Variants in MGAM observed in about 807,000 individuals in gnomAD.
MGAM encodes the protein maltase-glucoamylase, also known as alpha-1,4-glucosidase.
In MGAM, 253 loss-of-function variants were observed where a neutral mutation model predicts 358.8. The ratio of observed to expected loss-of-function variants is 0.71; its 90% confidence interval spans 0.64 to 0.78. The LOEUF (loss-of-function observed/expected upper bound fraction) is 0.78. Ranked by LOEUF, MGAM falls within the 30% of genes least tolerant of loss-of-function variation. The pLI, the probability that MGAM is intolerant of heterozygous loss-of-function variation, is 0.00. For synonymous variants in MGAM, 1,105 were observed against 1,227.1 expected (o/e 0.90, Z 2.08); for missense variants, 3,080 against 3,432.6 (o/e 0.90, Z 2.57).
rs770423213 is a variant in MGAM at position 142,096,359 on chromosome 7, A to T, written c.7636A>T (p.Ile2546Leu). ...EFVSDQVTWD[I>L]DSQFLLGPAF... ...TGTGTCAGACCAGGTGACATGGGAC[A>T]TAGACAGTCAGTTCCTGCTGGGCCC... Residue 2546 changes from isoleucine (I) to leucine (L), a missense_variant, in exon 65 of 71, where the codon ATA becomes TTA. By Grantham distance (5) the Ile-to-Leu change is conservative. This residue lies in a region of MGAM where 932 missense variants were observed against 1,198.2 expected (regional missense o/e 0.78). Transcript: ENST00000475668. The T allele has an allele frequency of 1.4e-5, 23 of 1,613,712 alleles. No homozygotes were observed. Among genetic ancestry groups the T allele is most frequent in the Non-Finnish European group, 1.9e-5 (22 of 1,179,696 alleles).
chr7:142,084,473 C>G (rs1443405521), intron 53 of MGAM, 46 bp from the exon 54 acceptor site: 2 of 1,528,226 alleles, frequency 1.3e-6, no homozygotes, highest in South Asian at 1.1e-5. Context: ...AAACTTCAAT[C>G]TGGTGTCTCT....
chr7:142,010,929 C>T (rs1805545256), intron 3 of MGAM, among the ~76,000 whole-genome samples: 1 of 152,030 alleles, frequency 6.6e-6, no homozygotes, highest in South Asian at 2.1e-4. Flanking sequence ...TGAAAGATCC[C>T]ATTGATGGCA....
intron 20 of MGAM, 115 bp from the exon 21 acceptor site, chr7:142,040,607 C>T (rs1808426319): frequency 6.0e-6 from 8 of 1,341,242 alleles, no homozygotes; most frequent in Non-Finnish European, 8.2e-6. Context: ...CCTGGCTAGA[C>T]CATAATTCAG....
chr7:142,077,436 T>C (rs1411997596), intron 47 of MGAM, among the ~76,000 whole-genome samples: 1 of 145,544 alleles, frequency 6.9e-6, no homozygotes, highest in Non-Finnish European at 1.6e-5. Context: ...TAGAATGTGA[T>C]TTTATTACTC....
At position 142,031,696 on chromosome 7, in the gene MGAM, CTG is replaced by C. The variant is rs782051452; in HGVS notation, c.1491_1492del (p.Phe498SerfsTer2). 6 of 1,611,962 alleles carry C rather than the reference CTG, an allele frequency of 3.7e-6. No homozygotes were observed. The highest frequency in any genetic ancestry group is 2.7e-5 in the African/African-American group (2 of 74,852). ...CTCCTGAAGGTCTGGCCTGGACAAA[CTG>C]TGTTTCCTGATTATACCAATCCCAA... On this transcript the variant is annotated frameshift_variant, in exon 13 of 71. Coordinates refer to ENST00000475668, the MANE Select transcript of MGAM (RefSeq NM_001365693.1). LOFTEE classifies it high-confidence loss of function.
At chr7:142,015,541 G>A (rs1160146599) in intron 3 of MGAM, among the ~76,000 whole-genome samples, 2 of 151,868 alleles carry the variant, frequency 1.3e-5, no homozygotes, top group African/African-American at 4.8e-5. Flanking sequence ...TAATAATTGA[G>A]TTATTCATTC....
intron 34 of MGAM, 117 bp from the exon 35 acceptor site, chr7:142,062,451 T>G: frequency 7.4e-7 from 1 of 1,345,496 alleles, no homozygotes; most frequent in South Asian, 1.5e-5. Flanking sequence ...TAGGCCCTGT[T>G]CAGGCTGTCT....
intron 2 of MGAM, among the ~76,000 whole-genome samples, chr7:141,989,368 A>C (rs1803844520): frequency 6.6e-6 from 1 of 152,172 alleles, no homozygotes; most frequent in African/African-American, 2.4e-5. Context: ...ATTGGATGTC[A>C]GGTACTTATG....
In MGAM at chr7:142,091,896, A is replaced by C. The variant is rs190194085; in HGVS notation, c.6811-17A>C. ...TATATTTGTGTGGGACAAAGAAATTATATTTCTTTTTTATAGCTATATCGA... is the reference window on the plus strand; with the variant it reads ...TATATTTGTGTGGGACAAAGAAATTCTATTTCTTTTTTATAGCTATATCGA... On this transcript the variant is annotated splice_polypyrimidine_tract_variant and intron_variant, in intron 57 of 70. Transcript: ENST00000475668. 3,627 of 1,402,742 alleles carry C rather than the reference A, an allele frequency of 2.6e-3. 402 individuals carry two copies. Among genetic ancestry groups the C allele is most frequent in the Middle Eastern group, 0.017 (76 of 4,540 alleles). The allele number at this position is 1,402,742 out of a possible 1,614,324, so 86.9% of individuals were successfully genotyped here. A position where few individuals can be genotyped will look rare whatever the true frequency, so the allele number is the denominator to read the frequency against.
At chr7:142,061,264 T>C (rs1359849760) in intron 34 of MGAM, among the ~76,000 whole-genome samples, 1 of 152,178 alleles carries the variant, frequency 6.6e-6, no homozygotes, top group Non-Finnish European at 1.5e-5. Flanking sequence ...CTGACTCAGC[T>C]GTGGCTGATA....
At chr7:142,096,895 A>T (rs900208104) in intron 65 of MGAM, among the ~76,000 whole-genome samples, 79 of 150,314 alleles carry the variant, frequency 5.3e-4, no homozygotes, top group African/African-American at 1.8e-3. Flanking sequence ...TAGGCTTCTG[A>T]TTAAAATACC....
In MGAM at chr7:142,085,932, G is replaced by C. The variant is rs1454906820; in HGVS notation, c.6607G>C (p.Ala2203Pro). The change falls in exon 55 of 71, where the codon GCT (alanine) becomes CCT (proline). Residue 2203 changes from alanine (A) to proline (P), a missense_variant. Ala to Pro is a conservative substitution (Grantham distance 27). This residue lies in a region of MGAM where 932 missense variants were observed against 1,198.2 expected (regional missense o/e 0.78). Coordinates refer to ENST00000475668, the MANE Select transcript of MGAM (RefSeq NM_001365693.1). Reference protein sequence around the residue: ...GFPALINRMKADGMRVILILD... With the variant: ...GFPALINRMKPDGMRVILILD... ...TCCAGCTCTGATCAATCGCATGAAG[G>C]CTGATGGGATGCGGGTCATCCTCAT... is the stretch of plus-strand genomic sequence containing the variant. 6.4e-7 allele frequency: 1 copy of C among 1,566,168 alleles called. No individual in the cohort carries two copies. Among genetic ancestry groups the C allele is most frequent in the Admixed American group, 1.7e-5 (1 of 58,620 alleles).
chr7:142,070,140 C>A lies in MGAM; in HGVS notation c.5062-854C>A. 1.4e-5 allele frequency among the ~76,000 whole-genome samples: 2 copies of A among 142,962 alleles called. 1 individual carries two copies. The highest frequency in any genetic ancestry group is 3.2e-5 in the Non-Finnish European group (2 of 63,440). The allele number at this position is 142,962 out of a possible 152,430, so 93.8% of individuals were successfully genotyped here. On this transcript the variant is annotated intron_variant, in intron 43 of 70. Coordinates refer to ENST00000475668, the MANE Select transcript of MGAM (RefSeq NM_001365693.1). Reference sequence around the variant, plus strand: ...CCTGGGAGGCGGAGGTTGCAGTGAGCTGAGATTGTGCCACTGCACTCCAGC... The same window carrying A: ...CCTGGGAGGCGGAGGTTGCAGTGAGATGAGATTGTGCCACTGCACTCCAGC...
At chr7:142,062,142 C>T (rs1472945702) in intron 34 of MGAM, among the ~76,000 whole-genome samples, 1 of 152,202 alleles carries the variant, frequency 6.6e-6, no homozygotes, top group African/African-American at 2.4e-5. Flanking sequence ...TCCCCTCTCT[C>T]AGTGGGAATG....
chr7:142,030,224 G>C (rs1807348057), intron 10 of MGAM, 138 bp from the exon 11 acceptor site: 1 of 925,234 alleles, frequency 1.1e-6, no homozygotes. Flanking sequence ...GAAGTACTCA[G>C]ATGCCAGGAA....
chr7:142,090,370 T>C (rs1278477902), intron 57 of MGAM, among the ~76,000 whole-genome samples: 3 of 145,490 alleles, frequency 2.1e-5, no homozygotes, highest in African/African-American at 7.3e-5. Context: ...ACCCATCCCG[T>C]CGTTTCTAAC....
chr7:142,032,558 T>C (rs543863780), intron 13 of MGAM, among the ~76,000 whole-genome samples: 1 of 152,298 alleles, frequency 6.6e-6, no homozygotes, highest in African/African-American at 2.4e-5. Flanking sequence ...TGTCATCATA[T>C]AAATTGAAAC....
chr7:142,014,636 CT>C (rs1805831228), intron 3 of MGAM, among the ~76,000 whole-genome samples: 1 of 152,206 alleles, frequency 6.6e-6, no homozygotes, highest in Non-Finnish European at 1.5e-5. Context: ...AGTAACCACA[CT>C]TTTGAAATTG....
rs556410350 is a variant in MGAM at position 141,999,481 on chromosome 7, A to T, written c.-3+3551A>T. 3.9e-5 allele frequency among the ~76,000 whole-genome samples: 6 copies of T among 152,324 alleles called. 1 individual carries two copies. In the South Asian group the frequency reaches 1.2e-3, roughly 32 times the overall value. On this transcript the variant is annotated intron_variant, in intron 1 of 70. Transcript: ENST00000475668. ...TGTGGCTTTGCTCCTTATCAGCTGTATGATGACATCAGGCAGTTTATTTGA... is the reference window on the plus strand; with the variant it reads ...TGTGGCTTTGCTCCTTATCAGCTGTTTGATGACATCAGGCAGTTTATTTGA...
Sources: allele counts gnomAD v4.1 joint callset (sites outside exome capture counted in the v4.1 genomes callset), GRCh38; gene constraint gnomAD v4.1.1; regional missense constraint gnomAD v4.1.1; transcripts MANE v1.5; gene names NCBI Gene and HGNC (gene_info 2026-07-23, HGNC 2026-07-21).